The following PSEN2 variants were observed in gnomAD, a reference collection of about 807,000 sequenced individuals.
PSEN2 encodes presenilin-2.
A neutral mutation model predicts 49.1 loss-of-function variants in PSEN2; 32 were observed. The ratio of observed to expected loss-of-function variants is 0.65; its 90% CI spans 0.49 to 0.88. The LOEUF (loss-of-function observed/expected upper bound fraction) is 0.88. PSEN2 is among the 40% of genes least tolerant of loss of function. The pLI is 0.00. For synonymous variants in PSEN2, 255 were observed against 244.0 expected (o/e 1.05, Z -0.42); for missense variants, 522 against 586.9 (o/e 0.89, Z 1.14).
chr1:226,896,678 A>G (rs561482730), downstream of PSEN2, among the ~76,000 whole-genome samples: 14 of 152,208 alleles, frequency 9.2e-5, no homozygotes, highest in African/African-American at 3.4e-4. Flanking sequence ...CCGGGGCAAC[A>G]TAGTGAGACT....
chr1:226,888,280 G>A lies in PSEN2; in HGVS notation c.566+122G>A. 3.3e-6 allele frequency: 3 copies of A among 919,798 alleles called. No homozygotes were observed. The South Asian group carries it at 4.0e-5, about 12-fold the overall frequency. 57.0% of individuals were successfully genotyped at this position (919,798 alleles called of 1,614,324 possible). A position where few individuals can be genotyped will look rare whatever the true frequency, so the allele number is the denominator to read the frequency against. On this transcript the variant is annotated intron_variant, in intron 7 of 12. Transcript: ENST00000366783. Reference sequence around the variant, plus strand: ...CGAGCTCCAGTCTTCCCCAGTGCCAGCCGTTTTGGGAACCCAGGCCTCCGT... The same window carrying A: ...CGAGCTCCAGTCTTCCCCAGTGCCAACCGTTTTGGGAACCCAGGCCTCCGT...
At chr1:226,871,494 T>C (rs549465841) in intron 2 of PSEN2, 90 bp downstream of exon 2, 6 of 152,330 alleles carry the variant, frequency 3.9e-5, no homozygotes, top group African/African-American at 1.2e-4. Context: ...CCCCTGTTTA[T>C]TGCCTTAATA....
At chr1:226,885,051 A>G (rs1661263989) in intron 5 of PSEN2, among the ~76,000 whole-genome samples, 1 of 152,104 alleles carries the variant, frequency 6.6e-6, no homozygotes, top group South Asian at 2.1e-4. Flanking sequence ...CAGGCTGGGA[A>G]GAGTGAGGTT....
chr1:226,896,736 C>G (rs1419175464), downstream of PSEN2, among the ~76,000 whole-genome samples: 1 of 152,068 alleles, frequency 6.6e-6, no homozygotes, highest in Non-Finnish European at 1.5e-5. Context: ...TGGCATGCAT[C>G]TGTAGTCTCA....
intron 8 of PSEN2, 110 bp downstream of exon 8, chr1:226,889,159 C>A: frequency 9.8e-7 from 1 of 1,017,458 alleles, no homozygotes; most frequent in Admixed American, 2.1e-5. Context: ...TCCCTTTCTG[C>A]AGAGGCCTGG....
chr1:226,891,968 G>A (rs1571967502), intron 11 of PSEN2, 124 bp downstream of exon 11: 12 of 792,508 alleles, frequency 1.5e-5, no homozygotes, highest in South Asian at 8.6e-5. Flanking sequence ...CCCATCAGAG[G>A]CATCTCTGTG....
chr1:226,873,743 C>T (rs543838797), intron 2 of PSEN2, among the ~76,000 whole-genome samples: 1 of 152,282 alleles, frequency 6.6e-6, no homozygotes, highest in South Asian at 2.1e-4. Context: ...CATGCATTTC[C>T]TTCCACACTG....
intron 12 of PSEN2, among the ~76,000 whole-genome samples, chr1:226,901,991 T>C (rs958109871): frequency 3.3e-5 from 5 of 152,240 alleles, no homozygotes; most frequent in Non-Finnish European, 7.4e-5. Flanking sequence ...TTAGAGTTTC[T>C]CCCAGGAGGT....
intron 12 of PSEN2, among the ~76,000 whole-genome samples, chr1:226,903,175 A>G (rs1662369840): frequency 6.6e-6 from 1 of 152,072 alleles, no homozygotes; most frequent in Non-Finnish European, 1.5e-5. Flanking sequence ...CGATTTTGAA[A>G]TACTTTCTTC....
In PSEN2 at chr1:226,891,254, T is replaced by G. The variant is rs2802267; in HGVS notation, c.887-24T>G. 1,305 of 1,610,060 alleles carry G rather than the reference T, an allele frequency of 8.1e-4. 9 individuals carry two copies. In the African/African-American group the frequency reaches 0.016, roughly 20 times the overall value. On this transcript the variant is annotated intron_variant, in intron 9 of 12. Coordinates refer to ENST00000366783, the MANE Select transcript of PSEN2 (RefSeq NM_000447.3). ...CAGCCACTGTTAGCACCGCCTGAGA[T>G]GTGAACCTTTTCTCCTCCCCCAGCT... is the stretch of plus-strand genomic sequence containing the variant.
intron 5 of PSEN2, among the ~76,000 whole-genome samples, chr1:226,884,853 A>C (rs993061424): frequency 6.6e-6 from 1 of 152,168 alleles, no homozygotes; most frequent in Non-Finnish European, 1.5e-5. Context: ...TCGAGGCTGC[A>C]GTGAGCCATG....
intron 9 of PSEN2, chr1:226,890,813 T>G: frequency 5.5e-6 from 1 of 183,200 alleles, no homozygotes; most frequent in Non-Finnish European, 1.2e-5. Flanking sequence ...CAAGGTGGCC[T>G]GGGAAAGAGT....
intron 5 of PSEN2, 87 bp downstream of exon 5, chr1:226,884,006 T>G: frequency 7.9e-6 from 9 of 1,137,018 alleles, no homozygotes; most frequent in East Asian, 2.5e-5. Context: ...TTGGTCACTG[T>G]ACCTGCAGCT....
rs1662099027 is a variant in PSEN2 at position 226,895,629 on chromosome 1, G to T, written c.*50G>T. 3.8e-6 allele frequency: 6 copies of T among 1,567,474 alleles called. No individual in the cohort carries two copies. On this transcript the variant is annotated 3_prime_UTR_variant, in exon 13 of 13. Transcript: ENST00000366783. Reference sequence around the variant, plus strand: ...AAGCTGCAGGGAATTTTCATTGGATGCAGTTGTATAGTTTTACACTCTAGT... The same window carrying T: ...AAGCTGCAGGGAATTTTCATTGGATTCAGTTGTATAGTTTTACACTCTAGT...
chr1:226,881,201 T>C (rs1660963970), intron 3 of PSEN2, among the ~76,000 whole-genome samples: 2 of 152,176 alleles, frequency 1.3e-5, no homozygotes, highest in Non-Finnish European at 2.9e-5. Context: ...CCAGACTGAC[T>C]TTTATAAACC....
intron 12 of PSEN2, among the ~76,000 whole-genome samples, chr1:226,901,803 G>C (rs983542326): frequency 6.6e-6 from 1 of 152,206 alleles, no homozygotes; most frequent in African/African-American, 2.4e-5. Flanking sequence ...TTCTTGAAGA[G>C]AAGGCCTCTG....
intron 11 of PSEN2, among the ~76,000 whole-genome samples, chr1:226,892,741 C>T (rs1479573250): frequency 1.3e-5 from 2 of 152,124 alleles, no homozygotes; most frequent in Non-Finnish European, 2.9e-5. Flanking sequence ...GGAGTTAGCA[C>T]AGATCCCACG....
At chr1:226,876,191 C>T (rs1180407257) in intron 3 of PSEN2, among the ~76,000 whole-genome samples, 4 of 152,038 alleles carry the variant, frequency 2.6e-5, no homozygotes, top group Admixed American at 6.6e-5. Context: ...TATCTGCACA[C>T]GTTTGGGTGG....
chr1:226,900,368 C>G (rs746098080), downstream of PSEN2, among the ~76,000 whole-genome samples: 1 of 152,156 alleles, frequency 6.6e-6, no homozygotes, highest in Non-Finnish European at 1.5e-5. Context: ...ACCCCCCTGC[C>G]CCCTCTGTGG....
Sources: gnomAD v4.1 joint callset for allele counts (sites outside exome capture counted in the v4.1 genomes callset) on GRCh38, gnomAD v4.1.1 for gene constraint, MANE v1.5 for transcripts, NCBI Gene and HGNC (gene_info 2026-07-23, HGNC 2026-07-21) for gene names.